Variants in ADAM18 observed in about 807,000 individuals in gnomAD.
ADAM18 encodes ADAM metallopeptidase domain 18, also known as disintegrin and metalloproteinase domain-containing protein 18.
Under a neutral mutation model 94.4 loss-of-function variants are expected in ADAM18, and 117 were observed. That is an observed-to-expected ratio of 1.24 (90% confidence interval 1.07 to 1.45). The LOEUF is 1.45. Among genes scored for constraint, ADAM18 ranks in the 40% most tolerant of loss-of-function variants. The pLI is 0.00. For missense variants in ADAM18, 936 were observed against 880.0 expected (o/e 1.06, Z -0.81); for synonymous variants, 327 against 291.6 (o/e 1.12, Z -1.24).
At chr8:39,661,319 A>ATTTTTTTTTTTTTTTTTTTTT (rs71518171) in intron 12 of ADAM18, among the ~76,000 whole-genome samples, 2 of 112,852 alleles carry the variant, frequency 1.8e-5, no homozygotes, top group African/African-American at 8.2e-5. Context: ...CACCCGGCAA[A>ATTTTTTTTTTTTTTTTTTTTT]TTTTTTTTTT....
intron 15 of ADAM18, among the ~76,000 whole-genome samples, chr8:39,678,285 A>G (rs939814363): frequency 1.3e-5 from 2 of 152,230 alleles, no homozygotes; most frequent in Admixed American, 6.5e-5. Flanking sequence ...CACTATCAGT[A>G]TTGTTCAAAG....
intron 6 of ADAM18, among the ~76,000 whole-genome samples, chr8:39,618,563 C>T (rs1041699986): frequency 1.3e-5 from 2 of 152,118 alleles, no homozygotes; most frequent in Non-Finnish European, 2.9e-5. Flanking sequence ...ACAGTTGCAG[C>T]AAAAGCTGGT....
intron 6 of ADAM18, among the ~76,000 whole-genome samples, chr8:39,615,079 C>A (rs1423198297): frequency 1.3e-5 from 2 of 151,968 alleles, no homozygotes; most frequent in Non-Finnish European, 2.9e-5. Context: ...ATATCTGGGA[C>A]CTAAACTCAG....
intron 16 of ADAM18, among the ~76,000 whole-genome samples, chr8:39,688,107 T>C (rs1384471402): frequency 2.6e-5 from 4 of 152,226 alleles, no homozygotes; most frequent in African/African-American, 9.6e-5. Flanking sequence ...AATGTTGCCA[T>C]TTCTCTGCAG....
At chr8:39,629,477 A>G (rs1458382159) in intron 7 of ADAM18, 38 bp downstream of exon 7, 32 of 1,358,328 alleles carry the variant, frequency 2.4e-5, no homozygotes, top group Non-Finnish European at 2.8e-5. Flanking sequence ...AGAAGGAACT[A>G]AGTATGCTTT....
At chr8:39,621,618 T>A (rs1314373545) in intron 6 of ADAM18, among the ~76,000 whole-genome samples, 1 of 152,096 alleles carries the variant, frequency 6.6e-6, no homozygotes, top group Non-Finnish European at 1.5e-5. Flanking sequence ...AGATATTTAT[T>A]TTTGTTTTGA....
chr8:39,663,619 AAAAAAAAAGAAGAAGAAAAG>A (rs1820908192), intron 12 of ADAM18, among the ~76,000 whole-genome samples, 156 bp from the exon 13 acceptor site: 1 of 149,402 alleles, frequency 6.7e-6, no homozygotes, highest in African/African-American at 2.4e-5. Flanking sequence ...AAAAAAAAAA[AAAAAAAAAGAAGAAGAAAAG>A]AAATGGTAAA....
chr8:39,656,306 A>G (rs959029), intron 12 of ADAM18, among the ~76,000 whole-genome samples: 62,515 of 151,952 alleles, frequency 0.41, 14,587 homozygotes, highest in Middle Eastern at 0.55. Flanking sequence ...CAGACAAATG[A>G]AACAGAATGG....
intron 12 of ADAM18, among the ~76,000 whole-genome samples, chr8:39,658,060 C>G (rs544708603): frequency 6.6e-6 from 1 of 152,278 alleles, no homozygotes; most frequent in African/African-American, 2.4e-5. Flanking sequence ...TTTCGGGAAT[C>G]TTTGAGCTGA....
At chr8:39,670,195 A>T (rs1344216886) in intron 14 of ADAM18, among the ~76,000 whole-genome samples, 1 of 151,810 alleles carries the variant, frequency 6.6e-6, no homozygotes, top group Admixed American at 6.6e-5. Context: ...GTTTGAGTTC[A>T]TTGTAGATTC....
chr8:39,667,061 C>T lies in ADAM18; in HGVS notation c.1327-937C>T, dbSNP rs111288446. On this transcript the variant is annotated intron_variant, in intron 13 of 19. Coordinates refer to ENST00000265707, the MANE Select transcript of ADAM18 (RefSeq NM_014237.3). ...ACCTCACCTAAGTGATGCAAGGAGG[C>T]GTTTATGCTCTTAGATAATAATAAA... Among the ~76,000 whole-genome samples the T allele has an allele frequency of 1.2e-3, 186 of 152,130 alleles. 1 individual carries two copies. Among genetic ancestry groups the T allele is most frequent in the African/African-American group, 4.0e-3 (167 of 41,486 alleles).
intron 17 of ADAM18, among the ~76,000 whole-genome samples, chr8:39,701,096 C>T (rs1387385571): frequency 2.3e-4 from 20 of 85,220 alleles, no homozygotes; most frequent in African/African-American, 4.4e-4. Context: ...CCAGCCTGGG[C>T]GACAGAGCAA....
At chr8:39,602,364 A>T (rs1353692200) in intron 2 of ADAM18, among the ~76,000 whole-genome samples, 1 of 152,094 alleles carries the variant, frequency 6.6e-6, no homozygotes, top group African/African-American at 2.4e-5. Context: ...TGTTCTTTTG[A>T]TAGAAGCCAT....
At chr8:39,621,054 T>C (rs1388145163) in intron 6 of ADAM18, among the ~76,000 whole-genome samples, 1 of 151,996 alleles carries the variant, frequency 6.6e-6, no homozygotes, top group Non-Finnish European at 1.5e-5. Flanking sequence ...GACTGATATC[T>C]AGACTATATA....
intron 18 of ADAM18, among the ~76,000 whole-genome samples, chr8:39,720,961 A>G (rs1179137899): frequency 6.6e-6 from 1 of 151,484 alleles, no homozygotes; most frequent in African/African-American, 2.4e-5. Context: ...CCCAAATTTC[A>G]AACTACCCAA....
intron 2 of ADAM18, among the ~76,000 whole-genome samples, chr8:39,603,468 C>T (rs1272777343): frequency 6.6e-6 from 1 of 152,138 alleles, no homozygotes; most frequent in East Asian, 1.9e-4. Flanking sequence ...TATCTGTTTG[C>T]CTTTTTTAGC....
chr8:39,672,048 G>A (rs1013220954), intron 14 of ADAM18, among the ~76,000 whole-genome samples: 2 of 151,476 alleles, frequency 1.3e-5, no homozygotes, highest in African/African-American at 4.8e-5. Context: ...CTTTCTACTA[G>A]GATGGCTTCC....
At chr8:39,602,514 G>A (rs1818936153) in intron 2 of ADAM18, among the ~76,000 whole-genome samples, 1 of 152,116 alleles carries the variant, frequency 6.6e-6, no homozygotes, top group Admixed American at 6.5e-5. Context: ...GGTCATTTCT[G>A]CCACACTCTT....
At chr8:39,673,160 C>T (rs1279017333) in intron 14 of ADAM18, among the ~76,000 whole-genome samples, 4 of 152,222 alleles carry the variant, frequency 2.6e-5, no homozygotes, top group Admixed American at 2.6e-4. Flanking sequence ...CCTGCAGAAA[C>T]AAGATGATCC....
Sources: gnomAD v4.1 joint callset for allele counts (sites outside exome capture counted in the v4.1 genomes callset) on GRCh38, gnomAD v4.1.1 for gene constraint, MANE v1.5 for transcripts, NCBI Gene and HGNC (gene_info 2026-07-23, HGNC 2026-07-21) for gene names.